Variants in TBCD observed in about 807,000 individuals in gnomAD.
The protein encoded by TBCD is tubulin folding cofactor D.
In TBCD, 105 loss-of-function variants were observed where a neutral mutation model predicts 169.3. That is an observed-to-expected ratio of 0.62 (90% CI 0.53 to 0.73). The LOEUF (loss-of-function observed/expected upper bound fraction) is 0.73. TBCD is among the 30% of genes least tolerant of loss of function. The probability of loss-of-function intolerance (pLI) is 0.00; values close to 1 mark genes in which losing one functional copy is unlikely to be tolerated. For missense variants in TBCD, 1,444 were observed against 1,600.1 expected (o/e 0.90, Z 1.66); for synonymous variants, 700 against 643.9 (o/e 1.09, Z -1.32).
intron 23 of TBCD, 42 bp downstream of exon 23, chr17:82,911,831 G>T (rs780432608): frequency 1.9e-6 from 3 of 1,609,710 alleles, no homozygotes. Context: ...GCCCTTTGCC[G>T]CAGCCATCGT....
chr17:82,889,911 C>T lies in TBCD; in HGVS notation c.1563+214C>T, dbSNP rs934315803. ...ATGTACAGTAATTTACACACACAGG[C>T]CGGAAAGCTGTGCTTTACACGTTGC... On this transcript the variant is annotated intron_variant, in intron 16 of 38. Coordinates refer to ENST00000355528, the MANE Select transcript of TBCD (RefSeq NM_005993.5). This position sits in a 1 kb window ranked among gnomAD's most constrained non-coding sequence, Gnocchi z 5.3. 6.6e-6 allele frequency among the ~76,000 whole-genome samples: 1 copy of T among 152,372 alleles called. No individual in the cohort carries two copies. Among genetic ancestry groups the T allele is most frequent in the African/African-American group, 2.4e-5 (1 of 41,596 alleles).
In TBCD at chr17:82,870,369, T is replaced by G; in HGVS notation, c.1464T>G (p.Thr488=). 1 of 1,612,834 alleles carries G rather than the reference T, an allele frequency of 6.2e-7. No homozygotes were observed. Among genetic ancestry groups the G allele is most frequent in the Non-Finnish European group, 8.5e-7 (1 of 1,179,602 alleles). Residue 488 remains threonine, a synonymous_variant, in exon 14 of 39, where the codon ACT becomes ACG. Coordinates refer to ENST00000355528, the MANE Select transcript of TBCD (RefSeq NM_005993.5). ...YEPQELKPFV[T]AISSALVIAA... ...CTCAGGAGCTGAAGCCCTTTGTGAC[T>G]GCAATCTCGAGGTAGGCCCATTCGT...
intron 21 of TBCD, chr17:82,908,241 C>A (rs962674831): frequency 1.8e-5 from 8 of 450,642 alleles, no homozygotes; most frequent in Non-Finnish European, 3.1e-5. Context: ...GGGCCCCGTG[C>A]TCTCCTGGTG....
intron 9 of TBCD, 79 bp downstream of exon 9, chr17:82,801,075 A>C: frequency 2.3e-6 from 2 of 868,946 alleles, no homozygotes; most frequent in South Asian, 3.3e-5. Flanking sequence ...GCCATTGATG[A>C]GGGCGGGGCA....
At position 82,861,240 on chromosome 17, in the gene TBCD, T is replaced by C. The variant is rs1326722420; in HGVS notation, c.1319-8984T>C. ...CACCCAGTCCTGCCAGGCGTTGGGC[T>C]TGGGATGTGCGGCCGGCTGGGGGCA... On this transcript the variant is annotated intron_variant, in intron 13 of 38. Coordinates refer to ENST00000355528, the MANE Select transcript of TBCD (RefSeq NM_005993.5). Among the ~76,000 whole-genome samples, 4 of 152,116 alleles carry C rather than the reference T, an allele frequency of 2.6e-5. No individual in the cohort carries two copies. In the South Asian group the frequency reaches 6.2e-4, roughly 24 times the overall value.
At chr17:82,829,864 ATCT>A in intron 13 of TBCD, 1 of 474,512 alleles carries the variant, frequency 2.1e-6, no homozygotes. Flanking sequence ...TTTATAAAAG[ATCT>A]TCTGTAAGAC....
chr17:82,866,395 T>G (rs1229733411), intron 13 of TBCD, among the ~76,000 whole-genome samples: 1 of 152,266 alleles, frequency 6.6e-6, no homozygotes, highest in Non-Finnish European at 1.5e-5. Context: ...TCTCACACCC[T>G]CTCAAGCTGT....
At chr17:82,800,730 G>A in intron 8 of TBCD, 134 bp from the exon 9 acceptor site, 1 of 1,080,306 alleles carries the variant, frequency 9.3e-7, no homozygotes, top group Non-Finnish European at 1.3e-6. Flanking sequence ...TCATGATTTG[G>A]GATGATGGGG....
At chr17:82,887,160 T>TGC (rs1209530928) in intron 15 of TBCD, among the ~76,000 whole-genome samples, 29 of 109,062 alleles carry the variant, frequency 2.7e-4, no homozygotes, top group Non-Finnish European at 4.1e-4. Flanking sequence ...TGTGTGTGTG[T>TGC]GTGTGTGTGC....
chr17:82,858,640 T>C (rs1477208618), intron 13 of TBCD: 1 of 985,290 alleles, frequency 1.0e-6, no homozygotes, highest in East Asian at 1.1e-4. Context: ...CAGGACACTT[T>C]TTAGGGTTGC....
At chr17:82,899,486 A>T (rs1257926507) in intron 17 of TBCD, among the ~76,000 whole-genome samples, 1 of 152,308 alleles carries the variant, frequency 6.6e-6, no homozygotes, top group East Asian at 1.9e-4. Context: ...GTGTGTCTGC[A>T]CCTCCTTTTG....
chr17:82,886,443 C>T (rs899725616), intron 15 of TBCD, among the ~76,000 whole-genome samples: 4 of 151,682 alleles, frequency 2.6e-5, no homozygotes, highest in East Asian at 2.0e-4. Context: ...GGGGTGTGGT[C>T]GTGGCTTCTT....
chr17:82,818,050 G>A (rs1050589970), intron 13 of TBCD, among the ~76,000 whole-genome samples: 3 of 152,202 alleles, frequency 2.0e-5, no homozygotes, highest in African/African-American at 7.2e-5. Context: ...CTACTGGCTT[G>A]TGTGTGTGCT....
chr17:82,890,383 C>T lies in TBCD; in HGVS notation c.1563+686C>T, dbSNP rs1441692535. 1.3e-5 allele frequency among the ~76,000 whole-genome samples: 2 copies of T among 152,108 alleles called. No homozygotes were observed. The highest frequency in any genetic ancestry group is 2.1e-4 in the South Asian group (1 of 4,812). ...TCAGCCGAGAAGGCTCTGGAGTTCC[C>T]GGACAGCAAAGCAAATGCAGCCGGG... is the stretch of plus-strand genomic sequence containing the variant. On this transcript the variant is annotated intron_variant, in intron 16 of 38. Transcript: ENST00000355528. The surrounding 1 kb of genome is among the most constrained non-coding windows in gnomAD (Gnocchi z 5.3).
At chr17:82,928,238 C>G (rs2061920545) in intron 30 of TBCD, among the ~76,000 whole-genome samples, 1 of 152,214 alleles carries the variant, frequency 6.6e-6, no homozygotes, top group Non-Finnish European at 1.5e-5. Context: ...GCTCCCCAGC[C>G]TGGGCCTCCA....
At chr17:82,823,652 A>G (rs1222116223) in intron 13 of TBCD, among the ~76,000 whole-genome samples, 2 of 152,022 alleles carry the variant, frequency 1.3e-5, no homozygotes, top group Non-Finnish European at 2.9e-5. Flanking sequence ...CTTCTCTTAC[A>G]TGTGAATTCA....
intron 13 of TBCD, among the ~76,000 whole-genome samples, 178 bp from the exon 14 acceptor site, chr17:82,870,046 C>G (rs1212535348): frequency 6.6e-6 from 1 of 152,200 alleles, no homozygotes; most frequent in Non-Finnish European, 1.5e-5. Flanking sequence ...GGTTTGTTTT[C>G]TGACCAGGCC....
Position 82,831,603 on chromosome 17 carries a change from G to A in TBCD, c.1318+16669G>A. 6.2e-7 allele frequency: 1 copy of A among 1,614,204 alleles called. No homozygotes were observed. Among genetic ancestry groups the A allele is most frequent in the Non-Finnish European group, 8.5e-7 (1 of 1,180,030 alleles). ...TAGGGATCGGCCCCGGGTGAGGCAG[G>A]AAGTGTCTCGGGTCTTGGGTTCCGT... is the stretch of plus-strand genomic sequence containing the variant. On this transcript the variant is annotated intron_variant, in intron 13 of 38. Transcript: ENST00000355528. This position sits in a 1 kb window ranked among gnomAD's most constrained non-coding sequence, Gnocchi z 4.6.
intron 2 of TBCD, among the ~76,000 whole-genome samples, chr17:82,763,471 G>A (rs562495414): frequency 2.0e-5 from 3 of 152,206 alleles, no homozygotes; most frequent in Admixed American, 6.5e-5. Flanking sequence ...CAGGTGCGGT[G>A]GGCTCACACC....
Sources: gnomAD v4.1 joint callset for allele counts (sites outside exome capture counted in the v4.1 genomes callset) on GRCh38, gnomAD v4.1.1 for gene constraint, Gnocchi (gnomAD v3.1) non-coding constraint, MANE v1.5 for transcripts, NCBI Gene and HGNC (gene_info 2026-07-23, HGNC 2026-07-21) for gene names.